Variants in TMEM131 observed in about 807,000 individuals in gnomAD.
TMEM131 encodes 2610524E03Rik.
TMEM131 carries 66 observed loss-of-function variants against 211.6 expected under a neutral mutation model. The ratio of observed to expected loss-of-function variants is 0.31; its 90% CI spans 0.26 to 0.38. The LOEUF (loss-of-function observed/expected upper bound fraction) is 0.38, where lower values mean the gene tolerates loss of function less well. TMEM131 is among the 10% of genes least tolerant of loss of function. TMEM131 has a pLI of 1.00. For missense variants in TMEM131, 2,036 were observed against 2,299.3 expected (o/e 0.89, Z 2.34); for synonymous variants, 844 against 841.3 (o/e 1.00, Z -0.06).
At chr2:97,871,586 C>A (rs1166186079) in intron 4 of TMEM131, among the ~76,000 whole-genome samples, 1 of 152,208 alleles carries the variant, frequency 6.6e-6, no homozygotes, top group African/African-American at 2.4e-5. Flanking sequence ...TGACAACTGG[C>A]TGACTCAACC....
chr2:97,794,002 AAAAAAAAAAAAAAC>A (rs1231876370), intron 29 of TMEM131, among the ~76,000 whole-genome samples: 1 of 149,572 alleles, frequency 6.7e-6, no homozygotes, highest in African/African-American at 2.5e-5. Context: ...TCAAAAAAAA[AAAAAAAAAAAAAAC>A]AAAAAACCCA....
chr2:97,995,456 C>T lies in TMEM131; in HGVS notation c.187+20G>A. 2 of 1,362,794 alleles carry T rather than the reference C, an allele frequency of 1.5e-6. No homozygotes were observed. Among genetic ancestry groups the T allele is most frequent in the African/African-American group, 1.5e-5 (1 of 65,946 alleles). 84.4% of individuals were successfully genotyped at this position (1,362,794 alleles called of 1,614,324 possible). A position where few individuals can be genotyped will look rare whatever the true frequency, so the allele number is the denominator to read the frequency against. On this transcript the variant is annotated intron_variant, in intron 1 of 40. Coordinates refer to ENST00000186436, the MANE Select transcript of TMEM131 (RefSeq NM_015348.2). The stretch of plus-strand genomic sequence containing the variant: ...CGGGGTGACAGCCCCGCCGCAGGGA[C>T]GCCGCCGGGGGACACCCACCTTCCT...
chr2:97,773,980 A>G (rs1446268458), intron 32 of TMEM131, among the ~76,000 whole-genome samples: 1 of 152,188 alleles, frequency 6.6e-6, no homozygotes, highest in Non-Finnish European at 1.5e-5. Context: ...GGGGACAGTG[A>G]TGGCTGTGGA....
intron 22 of TMEM131, 87 bp downstream of exon 22, chr2:97,805,001 C>A: frequency 1.1e-6 from 1 of 937,146 alleles, no homozygotes. Flanking sequence ...GCAAAATAAT[C>A]TAACATAAGA....
intron 1 of TMEM131, among the ~76,000 whole-genome samples, chr2:97,972,579 T>C (rs995518989): frequency 4.6e-5 from 7 of 151,902 alleles, no homozygotes; most frequent in African/African-American, 1.5e-4. Flanking sequence ...GGCAAAATAA[T>C]AGTCATCAGC....
chr2:97,927,268 CAG>C (rs2104443135), intron 2 of TMEM131, 156 bp downstream of exon 2: 1 of 460,878 alleles, frequency 2.2e-6, no homozygotes, highest in African/African-American at 2.0e-5. Flanking sequence ...CACGTAACTA[CAG>C]AGGTTTTTAT....
chr2:97,860,591 T>C (rs1674027996), intron 4 of TMEM131, among the ~76,000 whole-genome samples: 1 of 152,248 alleles, frequency 6.6e-6, no homozygotes, highest in Admixed American at 6.5e-5. Context: ...GTTCTGTCTC[T>C]ACCTTTTCTT....
chr2:97,943,330 T>C (rs1677888658), intron 1 of TMEM131, among the ~76,000 whole-genome samples: 1 of 152,198 alleles, frequency 6.6e-6, no homozygotes, highest in Admixed American at 6.5e-5. Context: ...ATTCATACCC[T>C]GATACATAAA....
At chr2:97,851,309 G>A (rs79290927) in intron 5 of TMEM131, among the ~76,000 whole-genome samples, 7,976 of 152,068 alleles carry the variant, frequency 0.052, 293 homozygotes, top group Middle Eastern at 0.085. Context: ...TCTGAAACCC[G>A]TTCTACCCTC....
Position 97,811,138 on chromosome 2 carries a change from G to C in TMEM131, c.1958C>G (p.Thr653Arg). ...GIHDGAIQITTDYEILTIPVK... is the reference protein window; with the variant it reads ...GIHDGAIQITRDYEILTIPVK... The stretch of plus-strand genomic sequence containing the variant: ...CCATAAAGTCCTTACCTCATAGTCT[G>C]TTGTGATCTGGATGGCTCCATCATG... The change falls in exon 18 of 41, where the codon ACA becomes AGA. Residue 653 changes from threonine to arginine, a missense_variant. Around this residue, in one of 3 missense-constraint regions of TMEM131, gnomAD observed 1,623 missense variants for 1,805.9 expected, o/e 0.90. Transcript: ENST00000186436. The C allele has an allele frequency of 6.2e-7, 1 of 1,613,050 alleles. No individual in the cohort carries two copies. The highest frequency in any genetic ancestry group is 8.5e-7 in the Non-Finnish European group (1 of 1,179,110).
At chr2:97,895,868 A>G (rs770835349) in intron 3 of TMEM131, among the ~76,000 whole-genome samples, 1 of 152,062 alleles carries the variant, frequency 6.6e-6, no homozygotes, top group Non-Finnish European at 1.5e-5. Flanking sequence ...TATCTCCTTC[A>G]GTTCTGCTCT....
intron 1 of TMEM131, among the ~76,000 whole-genome samples, chr2:97,947,256 A>C (rs1271520065): frequency 6.6e-6 from 1 of 152,112 alleles, no homozygotes; most frequent in East Asian, 1.9e-4. Flanking sequence ...AGAAAAAAAA[A>C]GTATGTAGAC....
chr2:97,934,814 A>AT (rs1482214568), intron 1 of TMEM131, among the ~76,000 whole-genome samples: 2 of 152,178 alleles, frequency 1.3e-5, no homozygotes, highest in African/African-American at 4.8e-5. Context: ...GACCAAAACA[A>AT]TATTTTTCTT....
chr2:97,910,223 A>G (rs1676237852), intron 2 of TMEM131, among the ~76,000 whole-genome samples: 1 of 75,082 alleles, frequency 1.3e-5, no homozygotes, highest in Admixed American at 1.2e-4. Context: ...TTTAAAAAGA[A>G]AATAAGGATC....
rs1476718140 is a variant in TMEM131, at chr2:97,995,480, C to T, written c.183G>A (p.Lys61=). The part of the protein sequence containing the change: ...TLVVAAARAE[K]EAFVQSESII... ...ACGCCGCCGGGGGACACCCACCTTC[C>T]TTCTCGGCCCGCGCCGCAGCCACTA... The change falls in exon 1 of 41, where the codon AAG becomes AAA. Residue 61 remains lysine (K), a synonymous_variant. Coordinates refer to ENST00000186436, the MANE Select transcript of TMEM131 (RefSeq NM_015348.2). The T allele has an allele frequency of 1.8e-5, 26 of 1,405,944 alleles. No individual in the cohort carries two copies. In the East Asian group the frequency reaches 4.1e-4, roughly 22 times the overall value. The allele number at this position is 1,405,944 out of a possible 1,614,324, so 87.1% of individuals were successfully genotyped here.
Position 97,762,101 on chromosome 2 carries a change from G to A in TMEM131, c.4823C>T (p.Pro1608Leu), listed in dbSNP as rs766717294. The change falls in exon 36 of 41, where the codon CCA becomes CTA. Residue 1608 changes from proline (P) to leucine (L), a missense_variant. This residue lies in a region of TMEM131 where 1,623 missense variants were observed against 1,805.9 expected (regional missense o/e 0.90). Transcript: ENST00000186436. Reference sequence around the variant, plus strand: ...GGCCACAAAGGGGCAGGGGGCAGCTGGGGGAGACGGGGAAGCAGGTGTCGG... The same window carrying A: ...GGCCACAAAGGGGCAGGGGGCAGCTAGGGGAGACGGGGAAGCAGGTGTCGG... ...TSPTPASPSP[P>L]AAPCPFVARG... 1.2e-6 allele frequency: 2 copies of A among 1,612,724 alleles called. No homozygotes were observed. The highest frequency in any genetic ancestry group is 8.5e-7 in the Non-Finnish European group (1 of 1,179,308).
At chr2:97,762,719 A>G (rs1678920536) in intron 35 of TMEM131, 1 of 153,070 alleles carries the variant, frequency 6.5e-6, no homozygotes, top group Non-Finnish European at 1.5e-5. Flanking sequence ...TTAAAAATCT[A>G]AAACAGGCTG....
At chr2:97,790,636 CTCTT>C (rs1235600127) in intron 31 of TMEM131, among the ~76,000 whole-genome samples, 1 of 152,234 alleles carries the variant, frequency 6.6e-6, no homozygotes, top group Non-Finnish European at 1.5e-5. Context: ...GACTGCCCAA[CTCTT>C]TCTTTGTGAT....
At chr2:97,757,713 T>TA (rs1678574512) in intron 40 of TMEM131, among the ~76,000 whole-genome samples, 1 of 152,110 alleles carries the variant, frequency 6.6e-6, no homozygotes, top group Non-Finnish European at 1.5e-5. Flanking sequence ...TGTGATATTT[T>TA]AAAAAAGACA....
Sources: allele counts gnomAD v4.1 joint callset (sites outside exome capture counted in the v4.1 genomes callset), GRCh38; gene constraint gnomAD v4.1.1; regional missense constraint gnomAD v4.1.1; transcripts MANE v1.5; gene names NCBI Gene and HGNC (gene_info 2026-07-23, HGNC 2026-07-21).